SYNPR: variants seen among roughly 807,000 people sequenced by gnomAD.
SYNPR encodes the protein synaptoporin.
A neutral mutation model predicts 32.9 loss-of-function variants in SYNPR; 23 were observed. That is an observed-to-expected ratio of 0.70 (90% CI 0.50 to 0.99). The LOEUF (loss-of-function observed/expected upper bound fraction) is 0.99, where lower values mean the gene tolerates loss of function less well. Ranked by LOEUF, SYNPR falls within the 50% of genes least tolerant of loss-of-function variation. The pLI, the probability that SYNPR is intolerant of heterozygous loss-of-function variation, is 0.00. For synonymous variants in SYNPR, 146 were observed against 135.9 expected (o/e 1.07, Z -0.52); for missense variants, 318 against 349.3 (o/e 0.91, Z 0.71).
intron 2 of SYNPR, among the ~76,000 whole-genome samples, chr3:63,365,434 A>G (rs753802685): frequency 3.3e-5 from 5 of 152,156 alleles, no homozygotes; most frequent in African/African-American, 4.8e-5. Flanking sequence ...TTTGAGCACT[A>G]TTGCTATGAT....
chr3:63,211,537 G>C, the SYNPR span, among the ~76,000 whole-genome samples: 225 of 152,208 alleles, frequency 1.5e-3, no homozygotes, highest in Admixed American at 3.4e-3. Context: ...TTATAAAGTT[G>C]TTCTCTCCTC....
At chr3:63,493,531 C>G (rs1424098600) in intron 3 of SYNPR, among the ~76,000 whole-genome samples, 5 of 151,888 alleles carry the variant, frequency 3.3e-5, no homozygotes, top group Admixed American at 3.3e-4. Context: ...AATGGAGATT[C>G]CAGCCAGGCA....
At chr3:63,565,244 C>A (rs961251839) in intron 4 of SYNPR, among the ~76,000 whole-genome samples, 1 of 152,144 alleles carries the variant, frequency 6.6e-6, no homozygotes, top group Admixed American at 6.5e-5. Context: ...TTGCCCCTGA[C>A]TCAACCCCCT....
At chr3:63,230,947 G>C (rs2086162538) in intron 1 of SYNPR, among the ~76,000 whole-genome samples, 1 of 152,022 alleles carries the variant, frequency 6.6e-6, no homozygotes, top group Non-Finnish European at 1.5e-5. Context: ...TTTTTAAAAG[G>C]CATGGAATGA....
chr3:63,492,208 G>T (rs1701269166), intron 3 of SYNPR, among the ~76,000 whole-genome samples: 1 of 152,190 alleles, frequency 6.6e-6, no homozygotes, highest in Non-Finnish European at 1.5e-5. Flanking sequence ...CAGTTGGACA[G>T]GATCAGGCCC....
At chr3:63,349,152 G>C (rs1382543969) in intron 2 of SYNPR, among the ~76,000 whole-genome samples, 1 of 151,870 alleles carries the variant, frequency 6.6e-6, no homozygotes, top group Non-Finnish European at 1.5e-5. Flanking sequence ...ACCCAGACTG[G>C]AGTGCAGTGG....
chr3:63,554,000 G>A (rs1359932509), intron 3 of SYNPR, among the ~76,000 whole-genome samples: 2 of 152,214 alleles, frequency 1.3e-5, no homozygotes, highest in Admixed American at 6.5e-5. Context: ...GGGATTACAG[G>A]CGTGAGCCAC....
intron 2 of SYNPR, among the ~76,000 whole-genome samples, chr3:63,473,044 ACT>A (rs750267627): frequency 7.9e-5 from 12 of 151,800 alleles, no homozygotes; most frequent in Non-Finnish European, 1.3e-4. Context: ...AAACTGAGTA[ACT>A]CTCTTCTTTT....
chr3:63,454,252 C>A (rs1232280486), intron 2 of SYNPR, among the ~76,000 whole-genome samples: 1 of 152,068 alleles, frequency 6.6e-6, no homozygotes, highest in East Asian at 1.9e-4. Context: ...TTGAATTAAA[C>A]AGTAAATTTA....
At chr3:63,512,141 T>C (rs1575684446) in intron 3 of SYNPR, among the ~76,000 whole-genome samples, 1 of 152,256 alleles carries the variant, frequency 6.6e-6, no homozygotes, top group South Asian at 2.1e-4. Flanking sequence ...TTTGCTTACA[T>C]AATAATTCTG....
the SYNPR span, among the ~76,000 whole-genome samples, chr3:63,217,853 A>C: frequency 1.6e-4 from 24 of 152,274 alleles, no homozygotes; most frequent in African/African-American, 5.8e-4. Flanking sequence ...AGCATTTGGT[A>C]AACTATTTAG....
intron 2 of SYNPR, among the ~76,000 whole-genome samples, chr3:63,480,560 G>A (rs1231301259): frequency 6.6e-6 from 1 of 152,096 alleles, no homozygotes; most frequent in African/African-American, 2.4e-5. Flanking sequence ...AGACACGACA[G>A]CTCTTTACAC....
intron 3 of SYNPR, among the ~76,000 whole-genome samples, chr3:63,271,461 C>G (rs2086535064): frequency 6.6e-6 from 1 of 151,980 alleles, no homozygotes; most frequent in Non-Finnish European, 1.5e-5. Flanking sequence ...AGAGCAGATG[C>G]AAAAACTATT....
chr3:63,377,274 T>C (rs553915991), intron 2 of SYNPR, among the ~76,000 whole-genome samples: 5 of 152,272 alleles, frequency 3.3e-5, no homozygotes, highest in African/African-American at 7.2e-5. Context: ...GGATGTGGCA[T>C]TTTATTACTG....
intron 1 of SYNPR, among the ~76,000 whole-genome samples, chr3:63,242,299 C>G (rs2086254837): frequency 6.6e-6 from 1 of 151,970 alleles, no homozygotes; most frequent in Non-Finnish European, 1.5e-5. Context: ...GTTGGCATGC[C>G]TGTACCGAGA....
chr3:63,403,506 C>G (rs185783236), intron 2 of SYNPR, among the ~76,000 whole-genome samples: 5 of 151,678 alleles, frequency 3.3e-5, no homozygotes, highest in Admixed American at 3.3e-4. Context: ...ATATTTAATC[C>G]TCACAATAAC....
chr3:63,224,934 T>C (rs1254836475), upstream of SYNPR, among the ~76,000 whole-genome samples: 1 of 152,232 alleles, frequency 6.6e-6, no homozygotes, highest in Non-Finnish European at 1.5e-5. Context: ...CAGATCTCCC[T>C]GATGAACAGG....
At chr3:63,605,973 A>G (rs992079430) in intron 4 of SYNPR, among the ~76,000 whole-genome samples, 1 of 152,190 alleles carries the variant, frequency 6.6e-6, no homozygotes, top group African/African-American at 2.4e-5. Context: ...TTTATTCGTG[A>G]TATAAAAGTT....
At chr3:63,346,589 A>G (rs1281280323) in intron 2 of SYNPR, among the ~76,000 whole-genome samples, 1 of 152,040 alleles carries the variant, frequency 6.6e-6, no homozygotes, top group Non-Finnish European at 1.5e-5. Flanking sequence ...CTTCTGCCGC[A>G]GCCTCCTGAG....
Sources: allele counts gnomAD v4.1 joint callset (sites outside exome capture counted in the v4.1 genomes callset), GRCh38; gene constraint gnomAD v4.1.1; transcripts MANE v1.5; gene names NCBI Gene and HGNC (gene_info 2026-07-23, HGNC 2026-07-21).